STK24: variants seen among roughly 807,000 people sequenced by gnomAD.
STK24 encodes serine/threonine kinase 24, also known as serine/threonine-protein kinase 24.
Under a neutral mutation model 55.6 loss-of-function variants are expected in STK24, and 21 were observed. The observed-to-expected ratio is 0.38, with a 90% confidence interval of 0.27 to 0.54. The LOEUF is 0.54. Among genes scored for constraint, STK24 ranks in the 20% least tolerant of loss-of-function variants. The probability of loss-of-function intolerance (pLI) is 0.79; values close to 1 mark genes in which losing one functional copy is unlikely to be tolerated. For synonymous variants in STK24, 200 were observed against 215.2 expected (o/e 0.93, Z 0.62); for missense variants, 383 against 538.4 (o/e 0.71, Z 2.86).
intron 1 of STK24, among the ~76,000 whole-genome samples, chr13:98,532,522 A>C (rs1250537053): frequency 6.6e-6 from 1 of 151,736 alleles, no homozygotes; most frequent in East Asian, 1.9e-4. Flanking sequence ...TCCCACACAC[A>C]CATCCCATAC....
chr13:98,460,591 A>G (rs1893662529), intron 8 of STK24, 151 bp from the exon 9 acceptor site: 1 of 636,922 alleles, frequency 1.6e-6, no homozygotes, highest in African/African-American at 1.8e-5. Flanking sequence ...TAACATCTGA[A>G]GGAGACTATC....
At chr13:98,484,803 A>G (rs899961959) in intron 2 of STK24, among the ~76,000 whole-genome samples, 10 of 152,178 alleles carry the variant, frequency 6.6e-5, no homozygotes, top group African/African-American at 2.4e-4. Flanking sequence ...CTCTACCCAG[A>G]GCAAACCCCG....
Position 98,446,218 on chromosome 13 carries a change from C to T in STK24, c.*6955G>A, listed in dbSNP as rs202041074. Reference sequence around the variant, plus strand: ...CAAATCACACCAGGTAAGTGTCTCGCACAGGGCAGGTGGCCCTGGGACCTT... The same window carrying T: ...CAAATCACACCAGGTAAGTGTCTCGTACAGGGCAGGTGGCCCTGGGACCTT... On this transcript the variant is annotated 3_prime_UTR_variant, in exon 11 of 11. Coordinates refer to ENST00000539966, the MANE Select transcript of STK24 (RefSeq NM_001032296.4). 19 of 1,572,378 alleles carry T rather than the reference C, an allele frequency of 1.2e-5. No individual in the cohort carries two copies. The African/African-American group carries it at 2.3e-4, about 19-fold the overall frequency.
chr13:98,504,662 C>G (rs946290140), intron 2 of STK24, among the ~76,000 whole-genome samples: 6 of 152,190 alleles, frequency 3.9e-5, no homozygotes, highest in Non-Finnish European at 7.3e-5. Context: ...CTACACAGCA[C>G]TATCTCAGGG....
chr13:98,571,561 C>CA (rs1054115205), intron 1 of STK24, among the ~76,000 whole-genome samples: 5 of 152,134 alleles, frequency 3.3e-5, no homozygotes, highest in African/African-American at 9.7e-5. Flanking sequence ...TCCTCCCCCT[C>CA]AAAAAAGAAC....
At chr13:98,522,016 TCTC>T (rs1896278137) in intron 1 of STK24, 1 of 1,426,712 alleles carries the variant, frequency 7.0e-7, no homozygotes, top group Admixed American at 2.8e-5. Context: ...TCCTCCACTC[TCTC>T]CTTCCTCTGG....
chr13:98,534,772 C>T (rs984005243), intron 1 of STK24, among the ~76,000 whole-genome samples: 7 of 152,172 alleles, frequency 4.6e-5, no homozygotes, highest in African/African-American at 9.7e-5. Flanking sequence ...ATTCCATCTC[C>T]GACCCAACCA....
chr13:98,543,096 T>A, intron 1 of STK24: 2 of 888,506 alleles, frequency 2.3e-6, no homozygotes, highest in Non-Finnish European at 2.7e-6. Flanking sequence ...GCAGCTCCGC[T>A]CCGGCTGGGA....
At chr13:98,508,765 T>G (rs1396806986) in intron 2 of STK24, 1 of 152,202 alleles carries the variant, frequency 6.6e-6, no homozygotes, top group Non-Finnish European at 1.5e-5. Flanking sequence ...CTTTGTAACA[T>G]ACCACAAACT....
chr13:98,446,737 C>T lies in STK24; in HGVS notation c.*6436G>A, dbSNP rs761894624. 4 of 1,614,150 alleles carry T rather than the reference C, an allele frequency of 2.5e-6. No individual in the cohort carries two copies. Among genetic ancestry groups the T allele is most frequent in the Non-Finnish European group, 3.4e-6 (4 of 1,180,006 alleles). ...CCATCCCCTCTGAGTCCGAGAACAT[C>T]CAGAAAGACTACGTGTTCAAGCTGC... On this transcript the variant is annotated 3_prime_UTR_variant, in exon 11 of 11. Transcript: ENST00000539966.
chr13:98,572,545 A>G (rs552728259), intron 1 of STK24, among the ~76,000 whole-genome samples: 2 of 152,188 alleles, frequency 1.3e-5, no homozygotes, highest in African/African-American at 4.8e-5. Context: ...CCCAGAGTGC[A>G]CAGGCTTCCC....
intron 5 of STK24, among the ~76,000 whole-genome samples, chr13:98,468,407 G>C (rs1312723150): frequency 3.3e-5 from 5 of 152,224 alleles, no homozygotes; most frequent in Non-Finnish European, 5.9e-5. Context: ...ACTGATCCCA[G>C]TCTCTTGCCC....
At chr13:98,516,620 A>G (rs982852191) in intron 2 of STK24, among the ~76,000 whole-genome samples, 21 of 152,214 alleles carry the variant, frequency 1.4e-4, no homozygotes, top group Non-Finnish European at 2.5e-4. Context: ...GCCTGGGCAC[A>G]TAAAAACTTC....
chr13:98,537,502 C>T (rs1896767880), intron 1 of STK24, among the ~76,000 whole-genome samples: 1 of 152,184 alleles, frequency 6.6e-6, no homozygotes, highest in African/African-American at 2.4e-5. Flanking sequence ...GCACGAGAGG[C>T]AGACAGACCT....
intron 1 of STK24, among the ~76,000 whole-genome samples, chr13:98,568,960 A>G (rs1167503920): frequency 6.6e-6 from 1 of 152,130 alleles, no homozygotes; most frequent in Non-Finnish European, 1.5e-5. Context: ...AACACAGAAA[A>G]TGGAAGGGGG....
chr13:98,486,526 C>T (rs77768786), intron 2 of STK24, among the ~76,000 whole-genome samples: 1,570 of 152,346 alleles, frequency 0.01, 13 homozygotes, highest in Non-Finnish European at 0.015. Context: ...GGATCCTCCA[C>T]CCCAGCACTG....
intron 1 of STK24, among the ~76,000 whole-genome samples, chr13:98,575,506 T>C (rs1307654646): frequency 6.6e-6 from 1 of 152,080 alleles, no homozygotes; most frequent in Non-Finnish European, 1.5e-5. Flanking sequence ...TTTTCCAGAA[T>C]TCAAACCTGA....
intron 5 of STK24, among the ~76,000 whole-genome samples, chr13:98,468,198 G>A (rs12869627): frequency 0.25 from 38,333 of 152,148 alleles, 4,974 homozygotes; most frequent in Non-Finnish European, 0.29. Context: ...TGATGCCTAC[G>A]GCATATTCTA....
At chr13:98,459,100 G>A (rs1285754638) in intron 9 of STK24, among the ~76,000 whole-genome samples, 2 of 152,192 alleles carry the variant, frequency 1.3e-5, no homozygotes. Context: ...AAAAGTCCAT[G>A]CACTTTCCCT....
Sources: allele counts gnomAD v4.1 joint callset (sites outside exome capture counted in the v4.1 genomes callset), GRCh38; gene constraint gnomAD v4.1.1; transcripts MANE v1.5; gene names NCBI Gene and HGNC (gene_info 2026-07-23, HGNC 2026-07-21).